The following PLPP4 variants were observed in gnomAD, a reference collection of about 807,000 sequenced individuals.
PLPP4 encodes diacylglycerol pyrophosphate like 2.
A neutral mutation model predicts 32.2 loss-of-function variants in PLPP4; 20 were observed. The ratio of observed to expected loss-of-function variants is 0.62; its 90% CI spans 0.44 to 0.90. The LOEUF is 0.90. Among genes scored for constraint, PLPP4 ranks in the 40% least tolerant of loss-of-function variants. The probability of loss-of-function intolerance (pLI) is 0.00; values close to 1 mark genes in which losing one functional copy is unlikely to be tolerated. For missense variants in PLPP4, 257 were observed against 353.1 expected (o/e 0.73, Z 2.18); for synonymous variants, 127 against 133.0 (o/e 0.95, Z 0.31).
intron 5 of PLPP4, among the ~76,000 whole-genome samples, chr10:120,523,292 C>T: frequency 6.6e-6 from 1 of 151,704 alleles, no homozygotes; most frequent in East Asian, 1.9e-4. Context: ...CAGAGTGAGA[C>T]TCCATCTCAA....
intron 6 of PLPP4, chr10:120,580,882 C>T: frequency 7.8e-7 from 1 of 1,289,292 alleles, no homozygotes; most frequent in South Asian, 1.2e-5. Context: ...GATGTCACCT[C>T]ATTTTCCCTC....
chr10:120,570,674 T>C (rs1047130677), intron 5 of PLPP4, among the ~76,000 whole-genome samples: 2 of 152,158 alleles, frequency 1.3e-5, no homozygotes, highest in African/African-American at 4.8e-5. Context: ...GCACCTAAGC[T>C]AGTGCAATGA....
chr10:120,570,111 T>C (rs1848865227), intron 5 of PLPP4, among the ~76,000 whole-genome samples: 1 of 152,132 alleles, frequency 6.6e-6, no homozygotes, highest in Non-Finnish European at 1.5e-5. Flanking sequence ...ATGAAAAGCT[T>C]CCAGCACAGT....
chr10:120,464,409 G>A (rs1423704481), intron 1 of PLPP4, among the ~76,000 whole-genome samples: 2 of 152,242 alleles, frequency 1.3e-5, no homozygotes, highest in South Asian at 2.1e-4. Flanking sequence ...AAACACCATA[G>A]GTGTCTAATG....
At chr10:120,466,118 G>A (rs1472216286) in intron 1 of PLPP4, among the ~76,000 whole-genome samples, 2 of 152,070 alleles carry the variant, frequency 1.3e-5, no homozygotes, top group Non-Finnish European at 2.9e-5. Flanking sequence ...ACCTCTAAAA[G>A]CAATATTTAG....
At chr10:120,549,817 A>G (rs2133982851) in intron 5 of PLPP4, among the ~76,000 whole-genome samples, 1 of 152,172 alleles carries the variant, frequency 6.6e-6, no homozygotes, top group African/African-American at 2.4e-5. Context: ...TCATTAACCT[A>G]GGAATAGAAA....
chr10:120,586,831 T>C (rs3816785), intron 6 of PLPP4, among the ~76,000 whole-genome samples: 30,443 of 151,886 alleles, frequency 0.2, 3,147 homozygotes, highest in East Asian at 0.23. Flanking sequence ...GGAGGGACTA[T>C]TAACATGTGT....
At chr10:120,573,860 T>C (rs1849056598) in intron 5 of PLPP4, among the ~76,000 whole-genome samples, 1 of 152,152 alleles carries the variant, frequency 6.6e-6, no homozygotes, top group South Asian at 2.1e-4. Context: ...TTGTCACAAA[T>C]GCCTGCATGA....
At chr10:120,485,815 G>A (rs1287696053) in intron 1 of PLPP4, among the ~76,000 whole-genome samples, 1 of 152,210 alleles carries the variant, frequency 6.6e-6, no homozygotes, top group Non-Finnish European at 1.5e-5. Context: ...TCCTTGTAAG[G>A]TGACTGCACA....
At chr10:120,586,924 G>A (rs1849789570) in intron 6 of PLPP4, among the ~76,000 whole-genome samples, 1 of 152,040 alleles carries the variant, frequency 6.6e-6, no homozygotes, top group South Asian at 2.1e-4. Flanking sequence ...GAATAGAAAT[G>A]ACATTGAGCT....
intron 1 of PLPP4, among the ~76,000 whole-genome samples, chr10:120,474,009 A>G (rs1430265975): frequency 6.6e-6 from 1 of 152,054 alleles, no homozygotes; most frequent in African/African-American, 2.4e-5. Flanking sequence ...TTGTTGTATT[A>G]TGTATTTTTT....
chr10:120,563,508 C>A (rs1383497833), intron 5 of PLPP4, among the ~76,000 whole-genome samples: 4 of 151,638 alleles, frequency 2.6e-5, no homozygotes, highest in Admixed American at 2.6e-4. Context: ...TTATAAAAAT[C>A]TTGAATTTTA....
At chr10:120,461,920 C>T (rs563485662) in intron 1 of PLPP4, among the ~76,000 whole-genome samples, 19 of 152,292 alleles carry the variant, frequency 1.2e-4, no homozygotes, top group African/African-American at 4.3e-4. Flanking sequence ...TTTACCTGGT[C>T]CAGGTGACTT....
chr10:120,473,107 G>T (rs558089436), intron 1 of PLPP4, among the ~76,000 whole-genome samples: 1 of 151,896 alleles, frequency 6.6e-6, no homozygotes, highest in Non-Finnish European at 1.5e-5. Flanking sequence ...GTTGATTGTG[G>T]GTCACATTAT....
chr10:120,515,752 A>G (rs1254263106), intron 3 of PLPP4, among the ~76,000 whole-genome samples: 1 of 152,238 alleles, frequency 6.6e-6, no homozygotes, highest in African/African-American at 2.4e-5. Context: ...CATAGTCTCC[A>G]AAAAGTGCTG....
At chr10:120,568,641 C>T (rs1159184916) in intron 5 of PLPP4, among the ~76,000 whole-genome samples, 1 of 152,162 alleles carries the variant, frequency 6.6e-6, no homozygotes, top group African/African-American at 2.4e-5. Context: ...TATTTCAAAC[C>T]TGCTCATGCT....
intron 1 of PLPP4, among the ~76,000 whole-genome samples, chr10:120,491,118 T>C (rs747923071): frequency 6.6e-6 from 1 of 152,174 alleles, no homozygotes; most frequent in Non-Finnish European, 1.5e-5. Flanking sequence ...TCTGGAGGTC[T>C]CTGGGCTGCT....
At chr10:120,495,243 A>T (rs1238269416) in intron 1 of PLPP4, among the ~76,000 whole-genome samples, 2 of 152,230 alleles carry the variant, frequency 1.3e-5, no homozygotes, top group Non-Finnish European at 2.9e-5. Flanking sequence ...TGTCTGCAAT[A>T]TCATAACTAA....
intron 1 of PLPP4, among the ~76,000 whole-genome samples, chr10:120,491,432 T>C (rs1330248109): frequency 6.6e-6 from 1 of 152,230 alleles, no homozygotes; most frequent in Non-Finnish European, 1.5e-5. Context: ...GTGACTCATT[T>C]TGTGACTGAC....
Sources: gnomAD v4.1 joint callset for allele counts (sites outside exome capture counted in the v4.1 genomes callset) on GRCh38, gnomAD v4.1.1 for gene constraint, MANE v1.5 for transcripts, NCBI Gene and HGNC (gene_info 2026-07-23, HGNC 2026-07-21) for gene names.